The following ARHGAP31 variants were observed in gnomAD, a reference collection of about 807,000 sequenced individuals.
The protein encoded by ARHGAP31 is rho GTPase-activating protein 31.
ARHGAP31 carries 34 observed loss-of-function variants against 113.9 expected under a neutral mutation model. The observed-to-expected ratio is 0.30, with a 90% CI of 0.23 to 0.40. ARHGAP31 has a LOEUF of 0.40. ARHGAP31 is among the 10% of genes least tolerant of loss of function. The pLI is 1.00. For synonymous variants in ARHGAP31, 650 were observed against 684.8 expected (o/e 0.95, Z 0.79); for missense variants, 1,548 against 1,767.1 (o/e 0.88, Z 2.22).
At chr3:119,368,108 C>A (rs2080265528) in intron 2 of ARHGAP31, among the ~76,000 whole-genome samples, 1 of 152,162 alleles carries the variant, frequency 6.6e-6, no homozygotes, top group Non-Finnish European at 1.5e-5. Context: ...ACCAAGACTG[C>A]AGACCTGATG....
At chr3:119,383,767 A>C (rs983153866) in intron 6 of ARHGAP31, among the ~76,000 whole-genome samples, 4 of 152,352 alleles carry the variant, frequency 2.6e-5, no homozygotes, top group African/African-American at 9.6e-5. Context: ...AGGCATACAA[A>C]AATGATTGTG....
intron 1 of ARHGAP31, among the ~76,000 whole-genome samples, chr3:119,333,013 C>G (rs2079909134): frequency 6.6e-6 from 1 of 152,146 alleles, no homozygotes; most frequent in Non-Finnish European, 1.5e-5. Flanking sequence ...AAATAACTTG[C>G]CTAAAGTCAT....
rs1163882464 is a variant in ARHGAP31 at position 119,295,751 on chromosome 3, TG to T, written c.100+752del. 2.6e-5 allele frequency among the ~76,000 whole-genome samples: 3 copies of T among 115,726 alleles called. No individual in the cohort carries two copies. The Admixed American group carries it at 2.7e-4, about 11-fold the overall frequency. The allele number at this position is 115,726 out of a possible 152,430, so 75.9% of individuals were successfully genotyped here. On this transcript the variant is annotated intron_variant, in intron 1 of 11. Transcript: ENST00000264245. ...AAACTTCTCTGTTTTCAAGGTCAGATGGGGGTAGGGGGGAGTTGGGGATGGG... is the reference window on the plus strand; with the variant it reads ...AAACTTCTCTGTTTTCAAGGTCAGATGGGGTAGGGGGGAGTTGGGGATGGG...
At chr3:119,392,520 A>G (rs2080513601) in intron 7 of ARHGAP31, among the ~76,000 whole-genome samples, 1 of 152,238 alleles carries the variant, frequency 6.6e-6, no homozygotes, top group Non-Finnish European at 1.5e-5. Context: ...TGCGGAGAAT[A>G]GGTCCTTTGT....
rs989224297 is a variant in ARHGAP31, at chr3:119,416,085, G to A, written c.4156G>A (p.Gly1386Ser). The part of the protein sequence containing the change: ...IRSPTQTVSP[G>S]LLCGELAENT... ...AAGTCCCACCCAGACAGTTTCCCCT[G>A]GCCTTCTTTGTGGAGAGTTGGCAGA... The change falls in exon 12 of 12, where the codon GGC becomes AGC. Residue 1386 changes from glycine (G) to serine (S), a missense_variant. Transcript: ENST00000264245. 2 of 1,614,060 alleles carry A rather than the reference G, an allele frequency of 1.2e-6. No homozygotes were observed. The highest frequency in any genetic ancestry group is 8.5e-7 in the Non-Finnish European group (1 of 1,180,040).
intron 1 of ARHGAP31, among the ~76,000 whole-genome samples, chr3:119,304,398 A>G (rs116372390): frequency 0.01 from 1,536 of 152,224 alleles, 27 homozygotes; most frequent in African/African-American, 0.035. Context: ...TAAAACAAAC[A>G]TCATCTGACC....
At chr3:119,356,551 A>C (rs191344358) in intron 1 of ARHGAP31, among the ~76,000 whole-genome samples, 1 of 152,158 alleles carries the variant, frequency 6.6e-6, no homozygotes, top group Admixed American at 6.5e-5. Context: ...GAATCACTTG[A>C]ACCCAGGAGG....
intron 1 of ARHGAP31, among the ~76,000 whole-genome samples, chr3:119,359,761 A>G (rs796490289): frequency 5.9e-5 from 9 of 152,246 alleles, no homozygotes; most frequent in African/African-American, 2.2e-4. Context: ...GAAGTTCTGT[A>G]CTCACAACCC....
intron 1 of ARHGAP31, among the ~76,000 whole-genome samples, chr3:119,323,249 A>G (rs2079809135): frequency 2.0e-5 from 3 of 151,914 alleles, no homozygotes; most frequent in Admixed American, 1.3e-4. Flanking sequence ...CCGCGCGGCC[A>G]CCGAGCCCAG....
intron 1 of ARHGAP31, chr3:119,298,894 G>T: frequency 4.2e-6 from 1 of 236,964 alleles, no homozygotes; most frequent in Non-Finnish European, 8.7e-6. Flanking sequence ...TGTGTGAGTT[G>T]TGCCATTCAC....
chr3:119,347,513 G>A (rs1444189758), intron 1 of ARHGAP31, among the ~76,000 whole-genome samples: 2 of 152,308 alleles, frequency 1.3e-5, no homozygotes, highest in East Asian at 3.9e-4. Context: ...TTCCCAGAGG[G>A]TCTTTCTGTC....
chr3:119,381,856 G>C (rs926716279), intron 4 of ARHGAP31, among the ~76,000 whole-genome samples: 1 of 152,132 alleles, frequency 6.6e-6, no homozygotes, highest in Admixed American at 6.5e-5. Context: ...CGTGGTGGCG[G>C]GCGCCTTTAG....
chr3:119,332,043 A>G (rs1202554347), intron 1 of ARHGAP31, among the ~76,000 whole-genome samples: 4 of 152,058 alleles, frequency 2.6e-5, no homozygotes, highest in African/African-American at 9.7e-5. Flanking sequence ...ATATGTTTCC[A>G]TCTACTTCTG....
chr3:119,328,692 G>A (rs2079866883), intron 1 of ARHGAP31, among the ~76,000 whole-genome samples: 1 of 151,778 alleles, frequency 6.6e-6, no homozygotes, highest in African/African-American at 2.4e-5. Context: ...CCAGGCTGGA[G>A]TGCAATGGCG....
At chr3:119,386,494 G>T (rs1040474711) in intron 6 of ARHGAP31, among the ~76,000 whole-genome samples, 15 of 152,302 alleles carry the variant, frequency 9.8e-5, no homozygotes, top group Non-Finnish European at 2.2e-4. Context: ...CCACCCTCAT[G>T]ACCTAATCAC....
chr3:119,402,289 C>A lies in ARHGAP31; in HGVS notation c.1537C>A (p.Pro513Thr). Residue 513 changes from proline (P) to threonine (T), a missense_variant, in exon 10 of 12, where the codon CCG becomes ACG. Physicochemically the swap from Pro to Thr is conservative, Grantham distance 38. Coordinates refer to ENST00000264245, the MANE Select transcript of ARHGAP31 (RefSeq NM_020754.4). ...STNSTPCRTP[P>T]KELQSLSSLE... is the part of the protein sequence containing the mutation. The stretch of plus-strand genomic sequence containing the variant: ...CAACAGCACGCCGTGCAGAACACCC[C>A]CGAAGGAGCTGCAGTCTCTTTCCAG... 6.2e-7 allele frequency: 1 copy of A among 1,614,272 alleles called. No individual in the cohort carries two copies. The highest frequency in any genetic ancestry group is 8.5e-7 in the Non-Finnish European group (1 of 1,180,052).
intron 1 of ARHGAP31, among the ~76,000 whole-genome samples, chr3:119,345,007 A>T (rs192470046): frequency 5.2e-4 from 74 of 141,670 alleles, no homozygotes; most frequent in African/African-American, 1.9e-3. Context: ...TTTTTGAGGC[A>T]GAGTCTTTGC....
At chr3:119,388,308 T>TTATA (rs58420826) in intron 6 of ARHGAP31, among the ~76,000 whole-genome samples, 1 of 133,734 alleles carries the variant, frequency 7.5e-6, no homozygotes, top group Non-Finnish European at 1.6e-5. Flanking sequence ...TGTATAATTT[T>TTATA]TATATATATA....
intron 1 of ARHGAP31, 61 bp downstream of exon 1, chr3:119,295,065 A>G (rs1486070998): frequency 3.1e-5 from 46 of 1,478,748 alleles, no homozygotes; most frequent in Non-Finnish European, 4.2e-5. Flanking sequence ...GGAGAGACGG[A>G]CTCTCTCGAG....
Sources: gnomAD v4.1 joint callset for allele counts (sites outside exome capture counted in the v4.1 genomes callset) on GRCh38, gnomAD v4.1.1 for gene constraint, MANE v1.5 for transcripts, NCBI Gene and HGNC (gene_info 2026-07-23, HGNC 2026-07-21) for gene names.